The following ARHGEF1 variants were observed in gnomAD, a reference collection of about 807,000 sequenced individuals.
ARHGEF1 encodes the protein Rho guanine nucleotide exchange factor 1.
ARHGEF1 carries 40 observed loss-of-function variants against 119.7 expected under a neutral mutation model. The ratio of observed to expected loss-of-function variants is 0.33; its 90% CI spans 0.26 to 0.44. The LOEUF (loss-of-function observed/expected upper bound fraction) is 0.44. ARHGEF1 is among the 20% of genes least tolerant of loss of function. The probability of loss-of-function intolerance (pLI) is 1.00; values close to 1 mark genes in which losing one functional copy is unlikely to be tolerated. For missense variants in ARHGEF1, 976 were observed against 1,268.3 expected (o/e 0.77, Z 3.50); for synonymous variants, 494 against 521.0 (o/e 0.95, Z 0.71).
chr19:41,909,449 G>A, downstream of ARHGEF1: 1 of 1,239,424 alleles, frequency 8.1e-7, no homozygotes, highest in Non-Finnish European at 1.0e-6. The surrounding 1 kb of genome is among the most constrained non-coding windows in gnomAD (Gnocchi z 5.2). Context: ...GTCTTGTGGA[G>A]AATCCGCTTG....
chr19:41,906,506 G>A lies in ARHGEF1; in HGVS notation c.2541G>A (p.Ala847=), dbSNP rs781922464. The A allele has an allele frequency of 2.5e-5, 39 of 1,583,562 alleles. No individual in the cohort carries two copies. Among genetic ancestry groups the A allele is most frequent in the East Asian group, 6.8e-5 (3 of 44,302 alleles). ...LLFPAEEDNG[A]GPPRDGDGVP... is the part of the protein sequence containing the mutation. ...TTCCGGCGGAGGAAGACAATGGGGC[G>A]GGGCCTCCTCGAGATGGGGATGGGG... is the stretch of plus-strand genomic sequence containing the variant. The change falls in exon 27 of 29, where the codon GCG becomes GCA. Residue 847 remains alanine (A), a synonymous_variant. Transcript: ENST00000354532. The surrounding 1 kb of genome is among the most constrained non-coding windows in gnomAD (Gnocchi z 4.5).
intron 14 of ARHGEF1, chr19:41,900,798 T>G (rs2074590722): frequency 1.4e-5 from 2 of 147,474 alleles, no homozygotes; most frequent in African/African-American, 2.5e-5. Flanking sequence ...TTTTTTTTTT[T>G]TTTTTTTTTT....
rs1471065935 is a variant in ARHGEF1, at chr19:41,917,622, T to C, written c.1866-5470T>C. On this transcript the variant is annotated intron_variant, in intron 18 of 20. Coordinates refer to the ARHGEF1 transcript ENST00000599589. The surrounding 1 kb of genome is among the most constrained non-coding windows in gnomAD (Gnocchi z 4.8). ...CCCTTCTGCCACCGCCGCCCCCGCA[T>C]GCACACACCATGCCCCAAAGCACAC... Among the ~76,000 whole-genome samples the C allele has an allele frequency of 5.3e-5, 8 of 151,816 alleles. No individual in the cohort carries two copies. Among genetic ancestry groups the C allele is most frequent in the African/African-American group, 1.7e-4 (7 of 41,258 alleles).
chr19:41,905,661 C>A lies in ARHGEF1; in HGVS notation c.2337-99C>A. Reference sequence around the variant, plus strand: ...CGGCCTCGACCTCTGTCTCTGTCTCCGGACCTCCCTGCCTCCCCACCTCCA... The same window carrying A: ...CGGCCTCGACCTCTGTCTCTGTCTCAGGACCTCCCTGCCTCCCCACCTCCA... On this transcript the variant is annotated intron_variant, in intron 24 of 28. Transcript: ENST00000354532. This position sits in a 1 kb window ranked among gnomAD's most constrained non-coding sequence, Gnocchi z 6.4. 1.6e-6 allele frequency: 2 copies of A among 1,289,290 alleles called. No homozygotes were observed. The highest frequency in any genetic ancestry group is 2.3e-5 in the East Asian group (1 of 42,682). The allele number at this position is 1,289,290 out of a possible 1,614,324, so 79.9% of individuals were successfully genotyped here. A position where few individuals can be genotyped will look rare whatever the true frequency, so the allele number is the denominator to read the frequency against.
Position 41,888,804 on chromosome 19 carries a change from G to A in ARHGEF1, c.164G>A (p.Arg55His), listed in dbSNP as rs782343511. ...QFQSLEQVKR[R>H]PAHLMALLQH... ...CAGAGCCTGGAGCAGGTGAAGCGGC[G>A]CCCAGCCCACCTCATGGCCCTCCTG... Residue 55 changes from arginine (R) to histidine (H), a missense_variant, in exon 4 of 29, where the codon CGC becomes CAC. Physicochemically the swap from Arg to His is conservative, Grantham distance 29. This residue lies in a region of ARHGEF1 where 519 missense variants were observed against 580.9 expected (regional missense o/e 0.89). Transcript: ENST00000354532. The surrounding 1 kb of genome is among the most constrained non-coding windows in gnomAD (Gnocchi z 5.1). 39 of 1,614,080 alleles carry A rather than the reference G, an allele frequency of 2.4e-5. No homozygotes were observed. Among genetic ancestry groups the A allele is most frequent in the African/African-American group, 6.7e-5 (5 of 74,938 alleles).
chr19:41,894,133 T>TGTGTGCGC (rs1321905016), intron 8 of ARHGEF1, 74 bp from the exon 9 acceptor site: 1 of 803,382 alleles, frequency 1.2e-6, no homozygotes, highest in African/African-American at 2.2e-5. Context: ...AGTGTGTGTG[T>TGTGTGCGC]GAGTGTGTGT....
chr19:41,894,359 G>C (rs149993474), intron 9 of ARHGEF1, 53 bp downstream of exon 9: 338 of 1,515,264 alleles, frequency 2.2e-4, no homozygotes, highest in Non-Finnish European at 2.7e-4. Flanking sequence ...GACGCCCTGG[G>C]AGCCTCATGA....
intron 1 of ARHGEF1, chr19:41,884,433 G>T (rs1555844872): frequency 2.5e-6 from 4 of 1,603,056 alleles, no homozygotes; most frequent in East Asian, 2.2e-5. Context: ...AGAGTGCGGA[G>T]CCCGAGCGCG....
In ARHGEF1 at chr19:41,905,489, GTA is replaced by G. The variant is rs1342278358; in HGVS notation, c.2336+230_2336+231del. ...ATGTGTGTGCGTGTATGGTGTGTGTGTATGCATATGTGTGCATGCGTGTGACA... is the reference window on the plus strand; with the variant it reads ...ATGTGTGTGCGTGTATGGTGTGTGTGTGCATATGTGTGCATGCGTGTGACA... On this transcript the variant is annotated intron_variant, in intron 24 of 28. Coordinates refer to ENST00000354532, the MANE Select transcript of ARHGEF1 (RefSeq NM_004706.4). The surrounding 1 kb of genome is among the most constrained non-coding windows in gnomAD (Gnocchi z 6.4). 9.8e-6 allele frequency: 6 copies of G among 612,668 alleles called. No individual in the cohort carries two copies. Among genetic ancestry groups the G allele is most frequent in the African/African-American group, 9.3e-5 (5 of 53,852 alleles). The allele number at this position is 612,668 out of a possible 1,614,324, so 38.0% of individuals were successfully genotyped here.
chr19:41,913,803 A>C (rs1599673366), intron 18 of ARHGEF1, among the ~76,000 whole-genome samples: 1 of 67,930 alleles, frequency 1.5e-5, no homozygotes, highest in Admixed American at 1.8e-4. Flanking sequence ...CCTCCCCTCC[A>C]CACACACACC....
intron 8 of ARHGEF1, among the ~76,000 whole-genome samples, 193 bp from the exon 9 acceptor site, chr19:41,894,014 T>C (rs1399349106): frequency 6.6e-6 from 1 of 151,820 alleles, no homozygotes; most frequent in East Asian, 1.9e-4. Context: ...GTAACAGCCC[T>C]TGCCCCTGTC....
rs2074465765 is a variant in ARHGEF1, at chr19:41,895,345, C to G, written c.878-4C>G. 1.9e-6 allele frequency: 3 copies of G among 1,604,252 alleles called. No homozygotes were observed. The highest frequency in any genetic ancestry group is 3.4e-5 in the Admixed American group (2 of 59,496). On this transcript the variant is annotated splice_region_variant and splice_polypyrimidine_tract_variant and intron_variant, in intron 11 of 28. Transcript: ENST00000354532. ...TCCCTCTTTCTCCCTCACTGTCTCC[C>G]CAGCCGAGAAGCCAGGTGCTACAGA... is the stretch of plus-strand genomic sequence containing the variant.
At chr19:41,887,963 G>A (rs541780987) in intron 1 of ARHGEF1, 101 bp from the exon 2 acceptor site, 30 of 1,316,440 alleles carry the variant, frequency 2.3e-5, no homozygotes, top group Non-Finnish European at 3.1e-5. Context: ...GGATGGGGGA[G>A]GCTGTTTACT....
chr19:41,909,844 G>A, downstream of ARHGEF1: 1 of 1,590,436 alleles, frequency 6.3e-7, no homozygotes, highest in Non-Finnish European at 8.6e-7. This position sits in a 1 kb window ranked among gnomAD's most constrained non-coding sequence, Gnocchi z 5.2. Context: ...GTGGGATCCA[G>A]CCCCAAGCCC....
Position 41,892,574 on chromosome 19 carries a change from G to C in ARHGEF1, c.368-29G>C. 2 of 1,568,006 alleles carry C rather than the reference G, an allele frequency of 1.3e-6. No homozygotes were observed. The highest frequency in any genetic ancestry group is 8.7e-7 in the Non-Finnish European group (1 of 1,152,138). ...CGTGGTCCAAGCCACCAGGGAGCTG[G>C]ACCCTAGCCCCCATGTGTGTCCCTG... is the stretch of plus-strand genomic sequence containing the variant. On this transcript the variant is annotated intron_variant, in intron 6 of 28. Coordinates refer to ENST00000354532, the MANE Select transcript of ARHGEF1 (RefSeq NM_004706.4). The surrounding 1 kb of genome is among the most constrained non-coding windows in gnomAD (Gnocchi z 6.3).
At chr19:41,884,274 A>T (rs1267084867) in intron 1 of ARHGEF1, 1 of 734,774 alleles carries the variant, frequency 1.4e-6, no homozygotes, top group Non-Finnish European at 2.2e-6. Flanking sequence ...TGCGTGGCGC[A>T]GTACAGCGCT....
At chr19:41,897,957 G>A (rs1555848235) in intron 13 of ARHGEF1, 15 of 1,313,402 alleles carry the variant, frequency 1.1e-5, no homozygotes, top group South Asian at 4.7e-5. Context: ...CTATCAGGGC[G>A]TCTGGGGCGC....
At chr19:41,898,062 A>G in intron 13 of ARHGEF1, 2 of 1,351,490 alleles carry the variant, frequency 1.5e-6, no homozygotes, top group Admixed American at 3.6e-5. Context: ...AGCGACGTGG[A>G]CATGGACCCC....
In ARHGEF1 at chr19:41,907,420, G is replaced by A; in HGVS notation, c.*333G>A. On this transcript the variant is annotated 3_prime_UTR_variant, in exon 29 of 29. Transcript: ENST00000354532. ...CTCTGTTTTTATACCCTGAATTGGA[G>A]GTTTATTTTTTAATATATATTATCT... 1.3e-6 allele frequency: 2 copies of A among 1,530,310 alleles called. No individual in the cohort carries two copies. The highest frequency in any genetic ancestry group is 1.7e-6 in the Non-Finnish European group (2 of 1,145,148). The allele number at this position is 1,530,310 out of a possible 1,614,324, so 94.8% of individuals were successfully genotyped here.
Sources: gnomAD v4.1 joint callset for allele counts (sites outside exome capture counted in the v4.1 genomes callset) on GRCh38, gnomAD v4.1.1 for gene constraint, gnomAD v4.1.1 regional missense constraint, Gnocchi (gnomAD v3.1) non-coding constraint, MANE v1.5 for transcripts, NCBI Gene and HGNC (gene_info 2026-07-23, HGNC 2026-07-21) for gene names.